Variants in FGF5 observed in about 807,000 individuals in gnomAD.
FGF5 encodes the protein heparin-binding growth factor 5.
FGF5 carries 23 observed loss-of-function variants against 21.8 expected under a neutral mutation model. That is an observed-to-expected ratio of 1.05 (90% CI 0.76 to 1.49). The LOEUF is 1.49. Ranked by LOEUF, FGF5 falls within the 40% of genes most tolerant of loss-of-function variation. The probability of loss-of-function intolerance (pLI) is 0.00; values close to 1 mark genes in which losing one functional copy is unlikely to be tolerated. For synonymous variants in FGF5, 158 were observed against 124.0 expected, an observed-to-expected ratio of 1.27 and a Z score of -1.82; for missense variants, 352 against 332.9, an observed-to-expected ratio of 1.06 and a Z score of -0.45.
Position 80,289,979 on chromosome 4 carries a change from T to G in FGF5, c.*3307T>G, listed in dbSNP as rs1720848519. 1 of 152,172 alleles carries G rather than the reference T, an allele frequency of 6.6e-6. No homozygotes were observed. The highest frequency in any genetic ancestry group is 1.5e-5 in the Non-Finnish European group (1 of 68,020). 9.4% of individuals were successfully genotyped at this position (152,172 alleles called of 1,614,324 possible). On this transcript the variant is annotated 3_prime_UTR_variant, in exon 3 of 3. Coordinates refer to ENST00000312465, the MANE Select transcript of FGF5 (RefSeq NM_004464.4). ...ATTTCTTATTAAATCAATCTTGAAATAGAAAATGTAATAACTTTCTTACCA... is the reference window on the plus strand; with the variant it reads ...ATTTCTTATTAAATCAATCTTGAAAGAGAAAATGTAATAACTTTCTTACCA...
chr4:80,274,498 G>C (rs1316900759), intron 1 of FGF5, among the ~76,000 whole-genome samples: 1 of 152,012 alleles, frequency 6.6e-6, no homozygotes, highest in African/African-American at 2.4e-5. Context: ...AGTTATACTA[G>C]TCTTGAGCAC....
Position 80,286,325 on chromosome 4 carries a change from G to T in FGF5, c.460G>T (p.Ala154Ser). Residue 154 changes from alanine (A) to serine (S), a missense_variant and splice_region_variant, in exon 3 of 3, where the codon GCC becomes TCC. Transcript: ENST00000312465. ...MSKKGKLHASAKFTDDCKFRE... is the reference protein window; with the variant it reads ...MSKKGKLHASSKFTDDCKFRE... ...TTTCCTCTTTTTTTCTCCTCCTTAG[G>T]CCAAGTTCACAGATGACTGCAAGTT... The T allele has an allele frequency of 2.5e-6, 4 of 1,573,374 alleles. No individual in the cohort carries two copies. The highest frequency in any genetic ancestry group is 1.2e-5 in the South Asian group (1 of 85,724).
At chr4:80,270,435 C>G (rs1034013945) in intron 1 of FGF5, among the ~76,000 whole-genome samples, 3 of 151,404 alleles carry the variant, frequency 2.0e-5, no homozygotes, top group Non-Finnish European at 4.4e-5. Context: ...TGGCCATGGA[C>G]TTTCAAACAT....
At chr4:80,286,261 A>T in intron 2 of FGF5, 64 bp from the exon 3 acceptor site, 1 of 1,104,358 alleles carries the variant, frequency 9.1e-7, no homozygotes, top group Non-Finnish European at 1.3e-6. Flanking sequence ...ACAATACCTT[A>T]TGTTTTATTA....
intron 1 of FGF5, among the ~76,000 whole-genome samples, chr4:80,273,097 C>T (rs10213506): frequency 0.16 from 24,736 of 150,994 alleles, 2,901 homozygotes; most frequent in African/African-American, 0.34. Flanking sequence ...CACACTCAAA[C>T]AATGTTCATA....
chr4:80,275,368 A>G (rs912810701), intron 2 of FGF5, among the ~76,000 whole-genome samples: 2 of 151,934 alleles, frequency 1.3e-5, no homozygotes, highest in Non-Finnish European at 1.5e-5. Flanking sequence ...TAGTGACTGT[A>G]TTTGTGCTAA....
chr4:80,285,595 G>T (rs539375016), intron 2 of FGF5, among the ~76,000 whole-genome samples: 5 of 152,100 alleles, frequency 3.3e-5, no homozygotes, highest in African/African-American at 1.2e-4. Flanking sequence ...GCACCATGAC[G>T]GATGTCTACT....
At chr4:80,280,375 A>G (rs1470317508) in intron 2 of FGF5, among the ~76,000 whole-genome samples, 1 of 151,926 alleles carries the variant, frequency 6.6e-6, no homozygotes, top group African/African-American at 2.4e-5. Context: ...CCATTTTAGC[A>G]GAAAGTGAGA....
intron 2 of FGF5, among the ~76,000 whole-genome samples, chr4:80,279,975 T>C (rs1720509631): frequency 6.6e-6 from 1 of 152,186 alleles, no homozygotes; most frequent in Non-Finnish European, 1.5e-5. Flanking sequence ...TTGCCTGGGA[T>C]GAGACTCCAG....
Position 80,286,901 on chromosome 4 carries a change from A to G in FGF5, c.*229A>G. 1 of 460,866 alleles carries G rather than the reference A, an allele frequency of 2.2e-6. No individual in the cohort carries two copies. Among genetic ancestry groups the G allele is most frequent in the Non-Finnish European group, 3.9e-6 (1 of 259,208 alleles). 28.5% of individuals were successfully genotyped at this position (460,866 alleles called of 1,614,324 possible). A position where few individuals can be genotyped will look rare whatever the true frequency, so the allele number is the denominator to read the frequency against. On this transcript the variant is annotated 3_prime_UTR_variant, in exon 3 of 3. Transcript: ENST00000312465. ...ACACTCCTTCAGTTCAGCAAGACAT[A>G]AAGCCTTTTGCTTTATGCTTGAGGG...
rs768971081 is a variant in FGF5 at position 80,286,686 on chromosome 4, C to G, written c.*14C>G. ...CGCTTTGGATAATATTCCTCTTGGC[C>G]TTGTGAGAAACCATTCTTTCCCCTC... On this transcript the variant is annotated 3_prime_UTR_variant, in exon 3 of 3. Transcript: ENST00000312465. 1.0e-5 allele frequency: 16 copies of G among 1,599,300 alleles called. No homozygotes were observed. Among genetic ancestry groups the G allele is most frequent in the African/African-American group, 1.3e-5 (1 of 74,368 alleles).
At chr4:80,286,140 T>C (rs924514360) in intron 2 of FGF5, among the ~76,000 whole-genome samples, 185 bp from the exon 3 acceptor site, 1 of 152,042 alleles carries the variant, frequency 6.6e-6, no homozygotes, top group Non-Finnish European at 1.5e-5. Flanking sequence ...AGTAGAAATA[T>C]AGAAAGAAAA....
At chr4:80,285,336 T>G (rs1720681368) in intron 2 of FGF5, among the ~76,000 whole-genome samples, 1 of 152,234 alleles carries the variant, frequency 6.6e-6, no homozygotes, top group African/African-American at 2.4e-5. Flanking sequence ...TTACAGGTAT[T>G]TGAAAGTGTC....
In FGF5 at chr4:80,289,556, C is replaced by G. The variant is rs918725681; in HGVS notation, c.*2884C>G. On this transcript the variant is annotated 3_prime_UTR_variant, in exon 3 of 3. Transcript: ENST00000312465. Reference sequence around the variant, plus strand: ...AGGAGTCTATTTTGTCTATAGGTGACAAACATCTCCAGACTAACATGTCAG... The same window carrying G: ...AGGAGTCTATTTTGTCTATAGGTGAGAAACATCTCCAGACTAACATGTCAG... 6.6e-6 allele frequency: 1 copy of G among 152,056 alleles called. No homozygotes were observed. Among genetic ancestry groups the G allele is most frequent in the Admixed American group, 6.6e-5 (1 of 15,264 alleles). The allele number at this position is 152,056 out of a possible 1,614,324, so 9.4% of individuals were successfully genotyped here.
At chr4:80,281,973 T>C (rs1374621171) in intron 2 of FGF5, among the ~76,000 whole-genome samples, 1 of 152,146 alleles carries the variant, frequency 6.6e-6, no homozygotes, top group East Asian at 1.9e-4. Context: ...AAGTTCTTTT[T>C]TTTTTTGAGA....
chr4:80,269,225 A>G (rs1409103401), intron 1 of FGF5, among the ~76,000 whole-genome samples: 2 of 152,132 alleles, frequency 1.3e-5, no homozygotes, highest in East Asian at 3.9e-4. Context: ...CCAACAGAGG[A>G]TAACTTCCGT....
rs1449193418 is a variant in FGF5 at position 80,288,003 on chromosome 4, A to T, written c.*1331A>T. On this transcript the variant is annotated 3_prime_UTR_variant, in exon 3 of 3. Coordinates refer to ENST00000312465, the MANE Select transcript of FGF5 (RefSeq NM_004464.4). ...ACATAAATCACAGAAAATTTAACTT[A>T]AGAAAATTTACAAAATTTATTCTCA... 6.6e-6 allele frequency: 1 copy of T among 152,166 alleles called. No homozygotes were observed. Among genetic ancestry groups the T allele is most frequent in the Non-Finnish European group, 1.5e-5 (1 of 68,004 alleles). The allele number at this position is 152,166 out of a possible 1,614,324, so 9.4% of individuals were successfully genotyped here. A position where few individuals can be genotyped will look rare whatever the true frequency, so the allele number is the denominator to read the frequency against.
In FGF5 at chr4:80,287,130, TCTTA is replaced by T. The variant is rs899516143; in HGVS notation, c.*462_*465del. The T allele has an allele frequency of 2.6e-5, 4 of 153,876 alleles. No individual in the cohort carries two copies. Among genetic ancestry groups the T allele is most frequent in the African/African-American group, 9.6e-5 (4 of 41,460 alleles). 9.5% of individuals were successfully genotyped at this position (153,876 alleles called of 1,614,324 possible). A position where few individuals can be genotyped will look rare whatever the true frequency, so the allele number is the denominator to read the frequency against. On this transcript the variant is annotated 3_prime_UTR_variant, in exon 3 of 3. Coordinates refer to ENST00000312465, the MANE Select transcript of FGF5 (RefSeq NM_004464.4). Reference sequence around the variant, plus strand: ...AAGTACCTCTGCATTGAGCATATTTTCTTACTTTTATTATTTTAATTAATATGAC... The same window carrying T: ...AAGTACCTCTGCATTGAGCATATTTTCTTTTATTATTTTAATTAATATGAC...
At position 80,286,307 on chromosome 4, in the gene FGF5, T is replaced by G. The variant is rs754259509; in HGVS notation, c.460-18T>G. The G allele has an allele frequency of 5.9e-6, 9 of 1,526,480 alleles. No individual in the cohort carries two copies. The highest frequency in any genetic ancestry group is 8.8e-7 in the Non-Finnish European group (1 of 1,133,358). The allele number at this position is 1,526,480 out of a possible 1,614,324, so 94.6% of individuals were successfully genotyped here. A position where few individuals can be genotyped will look rare whatever the true frequency, so the allele number is the denominator to read the frequency against. Reference sequence around the variant, plus strand: ...AGATCGCCACAACTTAAATTTCCTCTTTTTTTCTCCTCCTTAGGCCAAGTT... The same window carrying G: ...AGATCGCCACAACTTAAATTTCCTCGTTTTTTCTCCTCCTTAGGCCAAGTT... On this transcript the variant is annotated intron_variant, in intron 2 of 2. Coordinates refer to ENST00000312465, the MANE Select transcript of FGF5 (RefSeq NM_004464.4).
Sources: gnomAD v4.1 joint callset for allele counts (sites outside exome capture counted in the v4.1 genomes callset) on GRCh38, gnomAD v4.1.1 for gene constraint, MANE v1.5 for transcripts, NCBI Gene and HGNC (gene_info 2026-07-23, HGNC 2026-07-21) for gene names.